The following AGTR1 variants were observed in gnomAD, a reference collection of about 807,000 sequenced individuals.
AGTR1 encodes the protein angiotensin II receptor type 1.
AGTR1 carries 16 observed loss-of-function variants against 19.4 expected under a neutral mutation model. That is an observed-to-expected ratio of 0.82 (90% CI 0.56 to 1.25). The LOEUF is 1.25. Ranked by LOEUF, AGTR1 falls within the 50% of genes most tolerant of loss-of-function variation. AGTR1 has a pLI of 0.00. For missense variants in AGTR1, 373 were observed against 431.9 expected (o/e 0.86, Z 1.21); for synonymous variants, 153 against 154.9 (o/e 0.99, Z 0.09).
intron 2 of AGTR1, among the ~76,000 whole-genome samples, chr3:148,710,914 C>A (rs1312815957): frequency 6.6e-6 from 1 of 152,114 alleles, no homozygotes; most frequent in Non-Finnish European, 1.5e-5. Context: ...CTCTCTCTTG[C>A]TCCTGCTCTC....
At chr3:148,708,785 A>G (rs1712817919) in intron 2 of AGTR1, among the ~76,000 whole-genome samples, 2 of 152,186 alleles carry the variant, frequency 1.3e-5, no homozygotes, top group African/African-American at 4.8e-5. Context: ...GCCCCTCCTT[A>G]CAAAAACTCA....
chr3:148,728,544 A>G (rs1346819564), intron 2 of AGTR1, among the ~76,000 whole-genome samples: 1 of 152,220 alleles, frequency 6.6e-6, no homozygotes, highest in African/African-American at 2.4e-5. Context: ...TGTGAAAGCC[A>G]AAGGCCAGCA....
In AGTR1 at chr3:148,741,144, A is replaced by G. The variant is rs1559933743; in HGVS notation, c.109A>G (p.Ile37Val). 19 of 1,614,170 alleles carry G rather than the reference A, an allele frequency of 1.2e-5. No individual in the cohort carries two copies. The highest frequency in any genetic ancestry group is 1.6e-5 in the Non-Finnish European group (19 of 1,180,032). ...IFVMIPTLYS[I>V]IFVVGIFGNS... ...TGTCATGATTCCTACTTTATACAGT[A>G]TCATCTTTGTGGTGGGAATATTTGG... Residue 37 changes from isoleucine (I) to valine (V), a missense_variant, in exon 3 of 3, where the codon ATC becomes GTC. Ile to Val is a conservative substitution (Grantham distance 29, BLOSUM62 3). Transcript: ENST00000349243.
At chr3:148,726,823 A>T (rs1713972412) in intron 2 of AGTR1, among the ~76,000 whole-genome samples, 1 of 152,164 alleles carries the variant, frequency 6.6e-6, no homozygotes, top group Non-Finnish European at 1.5e-5. Context: ...AATGTTACCC[A>T]TTTGGCATCA....
At chr3:148,703,117 A>G (rs766879772) in intron 1 of AGTR1, among the ~76,000 whole-genome samples, 147 of 152,230 alleles carry the variant, frequency 9.7e-4, no homozygotes, top group Non-Finnish European at 9.8e-4. Flanking sequence ...TGAGACAAGA[A>G]TACTGGAATC....
At chr3:148,709,344 G>T (rs3821499) in intron 2 of AGTR1, among the ~76,000 whole-genome samples, 65,643 of 151,776 alleles carry the variant, frequency 0.43, 15,996 homozygotes, top group African/African-American at 0.68. Context: ...TTACCCAGGG[G>T]GTTCCTGCTG....
At chr3:148,705,630 G>A (rs1264763975) in intron 1 of AGTR1, among the ~76,000 whole-genome samples, 1 of 152,000 alleles carries the variant, frequency 6.6e-6, no homozygotes, top group Non-Finnish European at 1.5e-5. Context: ...AGAACACACA[G>A]TTATTCCTAT....
At chr3:148,740,897 T>C in intron 2 of AGTR1, 92 bp from the exon 3 acceptor site, 1 of 1,162,662 alleles carries the variant, frequency 8.6e-7, no homozygotes, top group Non-Finnish European at 1.2e-6. Context: ...AAAGTTGAGT[T>C]ACTACGTTTA....
At chr3:148,705,273 T>C (rs969544727) in intron 1 of AGTR1, among the ~76,000 whole-genome samples, 3 of 152,180 alleles carry the variant, frequency 2.0e-5, no homozygotes, top group East Asian at 1.9e-4. Flanking sequence ...TTCTAGTAAA[T>C]TTCATATACT....
chr3:148,735,702 A>G (rs1460065570), intron 2 of AGTR1, among the ~76,000 whole-genome samples: 1 of 152,220 alleles, frequency 6.6e-6, no homozygotes, highest in Non-Finnish European at 1.5e-5. Context: ...GCCAATTTCT[A>G]TGGGTCAATG....
Position 148,742,106 on chromosome 3 carries a change from G to C in AGTR1, c.1071G>C (p.Glu357Asp), listed in dbSNP as rs1714952981. The C allele has an allele frequency of 6.2e-7, 1 of 1,613,882 alleles. No individual in the cohort carries two copies. Among genetic ancestry groups the C allele is most frequent in the Non-Finnish European group, 8.5e-7 (1 of 1,180,010 alleles). ...CCAAGAAGCCTGCACCATGTTTTGA[G>C]GTTGAGTGACATGTTCGAAACCTGT... ...SSTKKPAPCFEVE is the reference protein window; with the variant it reads ...SSTKKPAPCFDVE Residue 357 changes from glutamate (E) to aspartate (D), a missense_variant, in exon 3 of 3, where the codon GAG (glutamate) becomes GAC (aspartate). Coordinates refer to ENST00000349243, the MANE Select transcript of AGTR1 (RefSeq NM_000685.5).
intron 1 of AGTR1, among the ~76,000 whole-genome samples, chr3:148,707,096 A>G (rs1030294076): frequency 1.3e-5 from 2 of 152,128 alleles, no homozygotes; most frequent in African/African-American, 4.8e-5. Context: ...ATGTGTGAGT[A>G]CAATGAATGA....
At chr3:148,719,293 GA>G (rs3836280) in intron 2 of AGTR1, among the ~76,000 whole-genome samples, 4 of 150,790 alleles carry the variant, frequency 2.7e-5, no homozygotes, top group East Asian at 1.9e-4. Flanking sequence ...TATTTCATAG[GA>G]AAAAAAAAGC....
At position 148,742,930 on chromosome 3, in the gene AGTR1, T is replaced by G. The variant is rs957641945; in HGVS notation, c.*815T>G. The G allele has an allele frequency of 1.2e-5, 2 of 166,208 alleles. No homozygotes were observed. Among genetic ancestry groups the G allele is most frequent in the Non-Finnish European group, 2.9e-5 (2 of 68,094 alleles). The allele number at this position is 166,208 out of a possible 1,614,324, so 10.3% of individuals were successfully genotyped here. A position where few individuals can be genotyped will look rare whatever the true frequency, so the allele number is the denominator to read the frequency against. ...ACATATATGTATATGTATATCTATA[T>G]CTCTAAACTGCTGTTAATTGATTAA... On this transcript the variant is annotated 3_prime_UTR_variant, in exon 3 of 3. Transcript: ENST00000349243.
chr3:148,720,133 G>A (rs1713547853), intron 2 of AGTR1, among the ~76,000 whole-genome samples: 1 of 152,122 alleles, frequency 6.6e-6, no homozygotes, highest in African/African-American at 2.4e-5. Flanking sequence ...TGGGTTAGAG[G>A]TAGCTACAAT....
chr3:148,715,297 G>A (rs144073566), intron 2 of AGTR1, among the ~76,000 whole-genome samples: 61 of 152,210 alleles, frequency 4.0e-4, no homozygotes, highest in African/African-American at 1.4e-3. Context: ...TAGGGAATAG[G>A]CATATTTAAC....
At chr3:148,740,848 T>G in intron 2 of AGTR1, 141 bp from the exon 3 acceptor site, 1 of 717,606 alleles carries the variant, frequency 1.4e-6, no homozygotes, top group Non-Finnish European at 2.2e-6. Context: ...TTCACAGTGT[T>G]TCCTTAAGAA....
chr3:148,734,034 A>G (rs1181945384), intron 2 of AGTR1, among the ~76,000 whole-genome samples: 2 of 152,210 alleles, frequency 1.3e-5, no homozygotes, highest in African/African-American at 4.8e-5. Context: ...AAAAACGACA[A>G]AAACAGCTAA....
intron 2 of AGTR1, among the ~76,000 whole-genome samples, chr3:148,736,562 C>T (rs896193084): frequency 2.6e-5 from 4 of 152,164 alleles, no homozygotes; most frequent in Admixed American, 2.6e-4. Context: ...ATACCAAGTG[C>T]TTTAACATTA....
Sources: allele counts gnomAD v4.1 joint callset (sites outside exome capture counted in the v4.1 genomes callset), GRCh38; gene constraint gnomAD v4.1.1; transcripts MANE v1.5; gene names NCBI Gene and HGNC (gene_info 2026-07-23, HGNC 2026-07-21).